ACTR3C: variants seen among roughly 807,000 people sequenced by gnomAD.
ACTR3C encodes the protein actin related protein 3C, also known as actin-related protein 3C.
A neutral mutation model predicts 26.3 loss-of-function variants in ACTR3C; 18 were observed. The observed-to-expected ratio is 0.68, with a 90% confidence interval of 0.47 to 1.01. ACTR3C has a LOEUF of 1.01. Ranked by LOEUF, ACTR3C falls within the 50% of genes least tolerant of loss-of-function variation. The probability of loss-of-function intolerance (pLI) is 0.00; values close to 1 mark genes in which losing one functional copy is unlikely to be tolerated. For synonymous variants in ACTR3C, 55 were observed against 94.5 expected, an observed-to-expected ratio of 0.58 and a Z score of 2.42; for missense variants, 184 against 250.7, an observed-to-expected ratio of 0.73 and a Z score of 1.80.
chr7:150,243,564 G>A (rs983934106), downstream of ACTR3C, among the ~76,000 whole-genome samples: 10 of 152,014 alleles, frequency 6.6e-5, no homozygotes, highest in African/African-American at 2.4e-4. Flanking sequence ...TGGTATCCAT[G>A]GGGAATTAGT....
At chr7:150,111,731 G>A in the ACTR3C span, among the ~76,000 whole-genome samples, 1 of 133,370 alleles carries the variant, frequency 7.5e-6, no homozygotes, top group Non-Finnish European at 1.6e-5. Context: ...GCAGCACCTC[G>A]CGGGCGCTGT....
chr7:149,967,278 A>G, the ACTR3C span, among the ~76,000 whole-genome samples: 27 of 151,070 alleles, frequency 1.8e-4, no homozygotes, highest in Non-Finnish European at 3.7e-4. Flanking sequence ...CTCGTGATCC[A>G]CCCGCCTCAG....
the ACTR3C span, chr7:149,881,458 C>A: frequency 6.5e-6 from 1 of 152,976 alleles, no homozygotes; most frequent in East Asian, 1.9e-4. Context: ...CGAGGCTGCC[C>A]GTGGTGGGGA....
At chr7:150,135,972 A>T in the ACTR3C span, among the ~76,000 whole-genome samples, 1 of 152,174 alleles carries the variant, frequency 6.6e-6, no homozygotes, top group African/African-American at 2.4e-5. Flanking sequence ...GATTCTTGCC[A>T]GGCATCTCAC....
At position 150,305,173 on chromosome 7, in the gene ACTR3C, A is replaced by G. The variant is rs4015680; in HGVS notation, c.-51-9826T>C. ...CTGGTGCAGAAGAAAGTTACTCCAC[A>G]CTGAGGGAAAATCCATTTTCTCCCA... On this transcript the variant is annotated intron_variant, in intron 1 of 7. Transcript: ENST00000683684. Among the ~76,000 whole-genome samples the G allele has an allele frequency of 3.7e-3, 562 of 151,270 alleles. 9 individuals carry two copies. The highest frequency in any genetic ancestry group is 0.013 in the African/African-American group (518 of 40,638).
At chr7:150,039,235 G>T in the ACTR3C span, among the ~76,000 whole-genome samples, 146 of 148,266 alleles carry the variant, frequency 9.8e-4, no homozygotes, top group African/African-American at 3.3e-3. Context: ...GAGCCAGTGG[G>T]GGAACCAGGG....
chr7:150,126,312 T>C, the ACTR3C span, among the ~76,000 whole-genome samples: 8 of 152,220 alleles, frequency 5.3e-5, no homozygotes, highest in African/African-American at 1.9e-4. Flanking sequence ...CACATTCCCA[T>C]ACATTTATGA....
intron 6 of ACTR3C, among the ~76,000 whole-genome samples, chr7:150,269,397 T>C (rs114484359): frequency 0.03 from 4,423 of 148,250 alleles, 610 homozygotes; most frequent in African/African-American, 0.11. Context: ...TGCTGGGGCC[T>C]GAAGCAAGCA....
the ACTR3C span, among the ~76,000 whole-genome samples, chr7:150,148,090 A>G: frequency 6.9e-6 from 1 of 145,858 alleles, no homozygotes; most frequent in African/African-American, 2.5e-5. Context: ...ACAAACCCTC[A>G]TGACATGAGT....
chr7:150,185,274 G>GGGGTGTGTGT, the ACTR3C span, among the ~76,000 whole-genome samples: 26 of 124,152 alleles, frequency 2.1e-4, no homozygotes, highest in African/African-American at 7.0e-4. Context: ...TTAAATGTCA[G>GGGGTGTGTGT]GCGTGTGTGT....
the ACTR3C span, among the ~76,000 whole-genome samples, chr7:150,104,210 T>A: frequency 1.3e-5 from 2 of 151,282 alleles, no homozygotes; most frequent in Non-Finnish European, 2.9e-5. Flanking sequence ...GACATGGAAG[T>A]GCCATGTCTA....
rs71537924 is a variant in ACTR3C, at chr7:150,274,924, G to A, written c.564+9829C>T. On this transcript the variant is annotated intron_variant, in intron 6 of 7. Transcript: ENST00000683684. This position sits in a 1 kb window ranked among gnomAD's most constrained non-coding sequence, Gnocchi z 4.1. ...ACGTTCTGGCGGTCAGCAGTCTTCT[G>A]GACACTTTCCGGACACCAGCCCACA... Among the ~76,000 whole-genome samples the A allele has an allele frequency of 0.044, 6,694 of 152,242 alleles. 219 individuals carry two copies. Among genetic ancestry groups the A allele is most frequent in the South Asian group, 0.057 (275 of 4,814 alleles).
the ACTR3C span, among the ~76,000 whole-genome samples, chr7:150,100,017 C>A: frequency 6.6e-6 from 1 of 151,716 alleles, no homozygotes; most frequent in South Asian, 2.1e-4. Context: ...ATTCCAAACC[C>A]TTCTTATTAA....
At chr7:149,943,118 G>A in the ACTR3C span, among the ~76,000 whole-genome samples, 1 of 151,482 alleles carries the variant, frequency 6.6e-6, no homozygotes. Flanking sequence ...CTGCTGTTTT[G>A]TAAATAAAGT....
chr7:149,955,962 A>G, the ACTR3C span, among the ~76,000 whole-genome samples: 652 of 152,340 alleles, frequency 4.3e-3, 6 homozygotes, highest in African/African-American at 0.015. Context: ...TTTGGAGATT[A>G]CTTAGTGGGG....
the ACTR3C span, among the ~76,000 whole-genome samples, chr7:150,041,808 T>C: frequency 9.3e-6 from 1 of 107,386 alleles, no homozygotes; most frequent in Non-Finnish European, 2.0e-5. Context: ...CCTCCCCCCC[T>C]GCGATGGGGG....
the ACTR3C span, among the ~76,000 whole-genome samples, chr7:150,232,911 C>T: frequency 6.6e-6 from 1 of 152,092 alleles, no homozygotes. Context: ...TTAAATGACA[C>T]TATGCCACCA....
intron 6 of ACTR3C, among the ~76,000 whole-genome samples, chr7:150,278,674 A>C (rs575184607): frequency 6.6e-6 from 1 of 152,352 alleles, no homozygotes; most frequent in East Asian, 1.9e-4. Context: ...GGGCAAGTCA[A>C]TGTCCAATTT....
chr7:149,925,926 G>C, the ACTR3C span, among the ~76,000 whole-genome samples: 1 of 152,068 alleles, frequency 6.6e-6, no homozygotes, highest in Non-Finnish European at 1.5e-5. Context: ...AGCCCGATGT[G>C]GTGGCATGCA....
Sources: allele counts gnomAD v4.1 joint callset (sites outside exome capture counted in the v4.1 genomes callset), GRCh38; gene constraint gnomAD v4.1.1; non-coding constraint Gnocchi (gnomAD v3.1); transcripts MANE v1.5; gene names NCBI Gene and HGNC (gene_info 2026-07-23, HGNC 2026-07-21).